Variants in COLEC10 observed in about 807,000 individuals in gnomAD.
COLEC10 encodes collectin-10.
COLEC10 carries 22 observed loss-of-function variants against 28.4 expected under a neutral mutation model. The ratio of observed to expected loss-of-function variants is 0.78; its 90% CI spans 0.55 to 1.11. The LOEUF (loss-of-function observed/expected upper bound fraction) is 1.11. Among genes scored for constraint, COLEC10 ranks in the 50% least tolerant of loss-of-function variants. The probability of loss-of-function intolerance (pLI) is 0.00; values close to 1 mark genes in which losing one functional copy is unlikely to be tolerated. For missense variants in COLEC10, 361 were observed against 344.1 expected, an observed-to-expected ratio of 1.05 and a Z score of -0.39; for synonymous variants, 125 against 116.1, an observed-to-expected ratio of 1.08 and a Z score of -0.49.
chr8:119,060,628 A>G (rs905510994), intron 2 of COLEC10, among the ~76,000 whole-genome samples: 1 of 152,154 alleles, frequency 6.6e-6, no homozygotes, highest in Non-Finnish European at 1.5e-5. Flanking sequence ...TCAGAATGCT[A>G]CTGGTAATAT....
the COLEC10 span, among the ~76,000 whole-genome samples, chr8:118,977,364 T>C: frequency 2.7e-5 from 4 of 148,646 alleles, no homozygotes; most frequent in South Asian, 9.0e-4. Flanking sequence ...TGTCCAACAA[T>C]GATAGACTGG....
At chr8:118,994,927 C>G (rs551605697), upstream of COLEC10, among the ~76,000 whole-genome samples, 1 of 152,268 alleles carries the variant, frequency 6.6e-6, no homozygotes, top group East Asian at 1.9e-4. Context: ...CAAAGGGACC[C>G]TTCACAAGGT....
chr8:118,982,971 G>A, the COLEC10 span: 1 of 152,180 alleles, frequency 6.6e-6, no homozygotes, highest in Non-Finnish European at 1.5e-5. Context: ...AGCTAGCCAT[G>A]TGGTTACAGC....
intron 3 of COLEC10, among the ~76,000 whole-genome samples, chr8:119,091,833 G>A (rs1199888454): frequency 6.6e-6 from 1 of 152,034 alleles, no homozygotes; most frequent in Admixed American, 6.6e-5. Flanking sequence ...AAGCATCAAG[G>A]TCTGATAGTC....
the COLEC10 span, among the ~76,000 whole-genome samples, chr8:118,985,951 G>C: frequency 6.6e-6 from 1 of 152,026 alleles, no homozygotes; most frequent in Non-Finnish European, 1.5e-5. Context: ...ATGCCAAGCA[G>C]TGACCAGAAG....
At chr8:118,985,354 T>A in the COLEC10 span, among the ~76,000 whole-genome samples, 1 of 152,142 alleles carries the variant, frequency 6.6e-6, no homozygotes, top group Non-Finnish European at 1.5e-5. Context: ...TCTTCATGAT[T>A]CTGCGATGAT....
chr8:119,007,337 T>C (rs1386024521), intron 1 of COLEC10, among the ~76,000 whole-genome samples: 1 of 152,124 alleles, frequency 6.6e-6, no homozygotes, highest in African/African-American at 2.4e-5. Flanking sequence ...TCTCATTTTA[T>C]TTCCATCAAT....
intron 1 of COLEC10, among the ~76,000 whole-genome samples, chr8:118,998,202 TG>T (rs11308410): frequency 0.65 from 99,145 of 151,946 alleles, 33,721 homozygotes; most frequent in African/African-American, 0.85. Flanking sequence ...CCTCTAAAAT[TG>T]GTGTGAATTT....
At chr8:119,061,127 T>G (rs543503337) in intron 2 of COLEC10, among the ~76,000 whole-genome samples, 3 of 152,172 alleles carry the variant, frequency 2.0e-5, no homozygotes, top group Admixed American at 6.6e-5. Context: ...ATGTGTGTAT[T>G]TATAAATAAT....
intron 2 of COLEC10, among the ~76,000 whole-genome samples, chr8:119,023,147 G>A (rs184367234): frequency 1.0e-3 from 158 of 152,162 alleles, no homozygotes; most frequent in Middle Eastern, 3.4e-3. Flanking sequence ...CACATTGTCC[G>A]TCACTGCCTG....
intron 2 of COLEC10, 143 bp downstream of exon 2, chr8:119,089,894 C>A (rs1006256616): frequency 3.0e-6 from 2 of 657,076 alleles, no homozygotes; most frequent in East Asian, 2.8e-5. Context: ...TGAATTAACT[C>A]GCCATCTGAA....
chr8:118,973,764 T>G, the COLEC10 span, among the ~76,000 whole-genome samples: 1 of 151,998 alleles, frequency 6.6e-6, no homozygotes, highest in African/African-American at 2.4e-5. Context: ...TCTTTTTTGT[T>G]CATGTAGCAG....
chr8:118,977,202 G>A, the COLEC10 span, among the ~76,000 whole-genome samples: 1 of 143,998 alleles, frequency 6.9e-6, no homozygotes, highest in Non-Finnish European at 1.5e-5. Context: ...CGATTCCTCA[G>A]GGATCTAGAA....
At chr8:119,048,947 A>T (rs1157241391) in intron 2 of COLEC10, among the ~76,000 whole-genome samples, 2 of 152,066 alleles carry the variant, frequency 1.3e-5, no homozygotes. Flanking sequence ...TATGGGTTTA[A>T]GTGTGTTTTT....
chr8:119,099,705 A>G (rs1424944050), intron 3 of COLEC10, among the ~76,000 whole-genome samples: 1 of 152,110 alleles, frequency 6.6e-6, no homozygotes, highest in African/African-American at 2.4e-5. Context: ...GCAATTCAAG[A>G]AACTGTTTTC....
the COLEC10 span, among the ~76,000 whole-genome samples, chr8:118,981,197 C>T: frequency 6.6e-6 from 1 of 152,046 alleles, no homozygotes; most frequent in East Asian, 1.9e-4. Context: ...GCAATGAAAC[C>T]AACACTGCAA....
intron 2 of COLEC10, among the ~76,000 whole-genome samples, chr8:119,030,901 AT>A (rs141063667): frequency 6.6e-6 from 1 of 152,314 alleles, no homozygotes; most frequent in East Asian, 1.9e-4. Context: ...AGATTTCAAA[AT>A]CCCACTGATG....
intron 2 of COLEC10, among the ~76,000 whole-genome samples, chr8:119,025,183 C>CT (rs1296968600): frequency 2.0e-5 from 3 of 152,144 alleles, no homozygotes; most frequent in Admixed American, 6.5e-5. Flanking sequence ...TCTTTGCTTT[C>CT]TAAAACTAAA....
chr8:118,960,163 TAGTGGTAGA>T, the COLEC10 span, among the ~76,000 whole-genome samples: 255 of 152,020 alleles, frequency 1.7e-3, 1 homozygote, highest in African/African-American at 6.0e-3. Flanking sequence ...GTGTTGGTGG[TAGTGGTAGA>T]ACAGGTACTA....
Sources: gnomAD v4.1 joint callset for allele counts (sites outside exome capture counted in the v4.1 genomes callset) on GRCh38, gnomAD v4.1.1 for gene constraint, MANE v1.5 for transcripts, NCBI Gene and HGNC (gene_info 2026-07-23, HGNC 2026-07-21) for gene names.